NUP54: variants seen among roughly 807,000 people sequenced by gnomAD.
NUP54 encodes the protein nucleoporin 54, also known as nucleoporin p54.
In NUP54, 27 loss-of-function variants were observed where a neutral mutation model predicts 66.4. The ratio of observed to expected loss-of-function variants is 0.41; its 90% CI spans 0.30 to 0.56. NUP54 has a LOEUF of 0.56. Ranked by LOEUF, NUP54 falls within the 20% of genes least tolerant of loss-of-function variation. The pLI, the probability that NUP54 is intolerant of heterozygous loss-of-function variation, is 0.34. For missense variants in NUP54, 486 were observed against 596.3 expected, an observed-to-expected ratio of 0.82 and a Z score of 1.93; for synonymous variants, 206 against 210.7, an observed-to-expected ratio of 0.98 and a Z score of 0.19.
At chr4:76,129,981 T>TG (rs1730728236) in intron 8 of NUP54, among the ~76,000 whole-genome samples, 1 of 89,654 alleles carries the variant, frequency 1.1e-5, no homozygotes, top group Non-Finnish European at 2.3e-5. Context: ...TTTTTTTTTT[T>TG]TTTTTTTTTT....
intron 9 of NUP54, 32 bp from the exon 10 acceptor site, chr4:76,118,226 A>T: frequency 6.3e-7 from 1 of 1,599,858 alleles, no homozygotes; most frequent in Non-Finnish European, 8.6e-7. Flanking sequence ...ATAACAACAG[A>T]ATCATCTCTT....
intron 11 of NUP54, among the ~76,000 whole-genome samples, chr4:76,116,297 G>C (rs766964774): frequency 6.6e-6 from 1 of 152,146 alleles, no homozygotes; most frequent in Non-Finnish European, 1.5e-5. Context: ...GGAAGCCAAA[G>C]TAGTTTTTGG....
intron 8 of NUP54, among the ~76,000 whole-genome samples, chr4:76,125,755 GA>G: frequency 4.0e-5 from 1 of 24,896 alleles, no homozygotes; most frequent in Admixed American, 3.3e-4. Context: ...GAGAGGGGGA[GA>G]GGGGGAGAGG....
chr4:76,147,793 G>T, intron 1 of NUP54: 1 of 434,086 alleles, frequency 2.3e-6, no homozygotes, highest in Non-Finnish European at 4.0e-6. Flanking sequence ...AGCAGAGTGG[G>T]GGTGGGGTGG....
intron 8 of NUP54, among the ~76,000 whole-genome samples, chr4:76,126,736 A>G (rs1730554155): frequency 6.6e-6 from 1 of 152,216 alleles, no homozygotes; most frequent in South Asian, 2.1e-4. Context: ...AAAGGACATA[A>G]AAGACTGCAA....
chr4:76,127,032 A>G (rs1437293637), intron 8 of NUP54, among the ~76,000 whole-genome samples: 2 of 152,212 alleles, frequency 1.3e-5, no homozygotes, highest in African/African-American at 2.4e-5. Context: ...CAACTGGCCA[A>G]TGAAACATAA....
At chr4:76,125,358 G>A (rs1560678469) in intron 8 of NUP54, among the ~76,000 whole-genome samples, 2 of 141,198 alleles carry the variant, frequency 1.4e-5, no homozygotes, top group African/African-American at 5.4e-5. Flanking sequence ...ACACGGCTGG[G>A]CACAGTGGGT....
At chr4:76,146,006 C>A in intron 1 of NUP54, 1 of 368,700 alleles carries the variant, frequency 2.7e-6, no homozygotes, top group East Asian at 7.9e-5. Context: ...GTTGTAATTT[C>A]TTTTCATTAT....
intron 1 of NUP54, chr4:76,145,618 A>C (rs1164067138): frequency 2.4e-6 from 3 of 1,234,386 alleles, no homozygotes; most frequent in Non-Finnish European, 3.1e-6. Flanking sequence ...AATGCTAGCC[A>C]ATCTAAAATT....
Position 76,129,966 on chromosome 4 carries a change from G to GTTTTTTTTTTTTTT in NUP54, c.1056+676_1056+689dup, listed in dbSNP as rs775109047. ...AATCTTTAAGTATTTAATTATGAAA[G>GTTTTTTTTTTTTTT]TTTTTTTTTTTTTTTTTTTTTTTTT... is the stretch of plus-strand genomic sequence containing the variant. On this transcript the variant is annotated intron_variant, in intron 8 of 11. Coordinates refer to ENST00000264883, the MANE Select transcript of NUP54 (RefSeq NM_017426.4). Among the ~76,000 whole-genome samples the GTTTTTTTTTTTTTT allele has an allele frequency of 1.1e-4, 6 of 56,824 alleles. 1 individual carries two copies. Among genetic ancestry groups the GTTTTTTTTTTTTTT allele is most frequent in the Non-Finnish European group, 1.8e-4 (6 of 33,164 alleles). 37.3% of individuals were successfully genotyped at this position (56,824 alleles called of 152,430 possible). A position where few individuals can be genotyped will look rare whatever the true frequency, so the allele number is the denominator to read the frequency against.
chr4:76,138,252 T>C (rs1731122315), intron 3 of NUP54, among the ~76,000 whole-genome samples: 1 of 152,238 alleles, frequency 6.6e-6, no homozygotes, highest in Non-Finnish European at 1.5e-5. Context: ...CTGGGCTTTA[T>C]CTTCCTCAAC....
In NUP54 at chr4:76,114,681, T is replaced by C. The variant is rs1306982338; in HGVS notation, c.*685A>G. The C allele has an allele frequency of 1.3e-5, 2 of 152,126 alleles. No homozygotes were observed. Among genetic ancestry groups the C allele is most frequent in the African/African-American group, 2.4e-5 (1 of 41,432 alleles). 9.4% of individuals were successfully genotyped at this position (152,126 alleles called of 1,614,324 possible). A position where few individuals can be genotyped will look rare whatever the true frequency, so the allele number is the denominator to read the frequency against. ...GAATTATATAAAAGTAATTACAAAT[T>C]AAGAATTTATTTATAAGTTTTCATC... On this transcript the variant is annotated 3_prime_UTR_variant, in exon 12 of 12. Transcript: ENST00000264883.
chr4:76,120,723 G>A (rs377296856), intron 9 of NUP54, among the ~76,000 whole-genome samples: 224 of 152,184 alleles, frequency 1.5e-3, no homozygotes, highest in African/African-American at 3.8e-3. Context: ...CACTGCGCCC[G>A]GCCAGGATCT....
At chr4:76,118,454 C>CTGCA in intron 9 of NUP54, 1 of 359,974 alleles carries the variant, frequency 2.8e-6, no homozygotes, top group Non-Finnish European at 5.2e-6. Context: ...GGCGTAAACA[C>CTGCA]AGCTCACTCC....
In NUP54 at chr4:76,118,080, AC is replaced by A; in HGVS notation, c.1278del (p.Gln426HisfsTer6). The A allele has an allele frequency of 6.2e-7, 1 of 1,614,004 alleles. No individual in the cohort carries two copies. The highest frequency in any genetic ancestry group is 8.5e-7 in the Non-Finnish European group (1 of 1,179,958). On this transcript the variant is annotated frameshift_variant, in exon 10 of 12. Transcript: ENST00000264883. LOFTEE classifies it high-confidence loss of function. ...TIQGELNAPT[Q>X]FKGRLNELMS... ...ATGGTCTTAGAAGTGGTTACCTTGAACTGAGTAGGTGCATTTAGTTCACCCT... is the reference window on the plus strand; with the variant it reads ...ATGGTCTTAGAAGTGGTTACCTTGAATGAGTAGGTGCATTTAGTTCACCCT...
intron 9 of NUP54, chr4:76,118,423 TCTCCCAGGC>T: frequency 2.2e-6 from 1 of 448,160 alleles, no homozygotes; most frequent in South Asian, 2.2e-5. Context: ...TCTTGCTCTG[TCTCCCAGGC>T]TGAAGTGCAG....
intron 10 of NUP54, 129 bp from the exon 11 acceptor site, chr4:76,117,903 C>A: frequency 4.1e-6 from 4 of 981,082 alleles, no homozygotes; most frequent in Non-Finnish European, 6.2e-6. Flanking sequence ...ACATTATATT[C>A]GAAACACTAA....
Position 76,114,979 on chromosome 4 carries a change from T to C in NUP54, c.*387A>G, listed in dbSNP as rs147494789. 104 of 154,286 alleles carry C rather than the reference T, an allele frequency of 6.7e-4. 1 individual carries two copies. The East Asian group carries it at 0.019, about 28-fold the overall frequency. The allele number at this position is 154,286 out of a possible 1,614,324, so 9.6% of individuals were successfully genotyped here. On this transcript the variant is annotated 3_prime_UTR_variant, in exon 12 of 12. Coordinates refer to ENST00000264883, the MANE Select transcript of NUP54 (RefSeq NM_017426.4). ...ACAGCCAAGTAATTATAGTTTGTTC[T>C]GTTATGTGCAAAGTAGATTATTTCA...
intron 9 of NUP54, 40 bp from the exon 10 acceptor site, chr4:76,118,234 CT>C (rs1267794869): frequency 2.5e-6 from 4 of 1,589,010 alleles, no homozygotes; most frequent in Non-Finnish European, 3.4e-6. Context: ...AGAATCATCT[CT>C]TTTTAGTTAT....
Sources: allele counts gnomAD v4.1 joint callset (sites outside exome capture counted in the v4.1 genomes callset), GRCh38; gene constraint gnomAD v4.1.1; transcripts MANE v1.5; gene names NCBI Gene and HGNC (gene_info 2026-07-23, HGNC 2026-07-21).